DAAM1: variants seen among roughly 807,000 people sequenced by gnomAD.
DAAM1 encodes dishevelled associated activator of morphogenesis 1, also known as disheveled-associated activator of morphogenesis 1.
In DAAM1, 52 loss-of-function variants were observed where a neutral mutation model predicts 130.0. That is an observed-to-expected ratio of 0.40 (90% CI 0.32 to 0.50). The LOEUF (loss-of-function observed/expected upper bound fraction) is 0.50. Among genes scored for constraint, DAAM1 ranks in the 20% least tolerant of loss-of-function variants. The pLI is 0.61. For missense variants in DAAM1, 1,134 were observed against 1,303.8 expected (o/e 0.87, Z 2.01); for synonymous variants, 452 against 444.5 (o/e 1.02, Z -0.21).
In DAAM1 at chr14:59,322,876, T is replaced by G; in HGVS notation, c.441-16T>G. 1 of 1,592,862 alleles carries G rather than the reference T, an allele frequency of 6.3e-7. No individual in the cohort carries two copies. Among genetic ancestry groups the G allele is most frequent in the Non-Finnish European group, 8.6e-7 (1 of 1,166,536 alleles). The stretch of plus-strand genomic sequence containing the variant: ...CCCAAAGGCACTTAAGCATGGTGCA[T>G]TTCTCTTCATGACAGGTTTGTAACC... On this transcript the variant is annotated splice_polypyrimidine_tract_variant and intron_variant, in intron 5 of 24. Transcript: ENST00000360909.
chr14:59,318,798 T>C (rs191148428), intron 4 of DAAM1, among the ~76,000 whole-genome samples: 5 of 152,272 alleles, frequency 3.3e-5, no homozygotes, highest in African/African-American at 1.2e-4. Flanking sequence ...TAATTTTCTT[T>C]GACATTTCAT....
At chr14:59,235,224 C>A (rs1314673) in intron 1 of DAAM1, among the ~76,000 whole-genome samples, 10,129 of 152,242 alleles carry the variant, frequency 0.067, 444 homozygotes, top group Non-Finnish European at 0.1. Flanking sequence ...AATGGCACCA[C>A]CTCATCTTTG....
At chr14:59,235,178 C>CT (rs1382158081) in intron 1 of DAAM1, among the ~76,000 whole-genome samples, 1 of 152,058 alleles carries the variant, frequency 6.6e-6, no homozygotes, top group African/African-American at 2.4e-5. Context: ...AGGGAGGAGT[C>CT]TCTCCTTTTG....
At chr14:59,359,882 G>A (rs575328933) in intron 21 of DAAM1, among the ~76,000 whole-genome samples, 1 of 152,246 alleles carries the variant, frequency 6.6e-6, no homozygotes, top group African/African-American at 2.4e-5. Flanking sequence ...CTCTTTAATG[G>A]GAAGCATTCT....
intron 1 of DAAM1, among the ~76,000 whole-genome samples, chr14:59,197,760 T>C (rs1887947617): frequency 1.3e-5 from 2 of 152,212 alleles, no homozygotes; most frequent in South Asian, 4.2e-4. Flanking sequence ...CTTTCTATAC[T>C]CCCTGCATTG....
At chr14:59,296,973 A>C (rs975878766) in intron 3 of DAAM1, among the ~76,000 whole-genome samples, 8 of 152,140 alleles carry the variant, frequency 5.3e-5, no homozygotes, top group African/African-American at 1.9e-4. Context: ...TGAGAAAGAG[A>C]GAGTAAGATG....
In DAAM1 at chr14:59,326,489, C is replaced by T. The variant is rs189214118; in HGVS notation, c.1175-21C>T. The T allele has an allele frequency of 1.2e-4, 191 of 1,553,536 alleles. No individual in the cohort carries two copies. In the African/African-American group the frequency reaches 2.4e-3, roughly 19 times the overall value. ...TAGAAACAACTTGAAGATTTTTTTT[C>T]ACTATTCTTTTCTTTTTTAGACAAG... is the stretch of plus-strand genomic sequence containing the variant. On this transcript the variant is annotated intron_variant, in intron 10 of 24. Coordinates refer to ENST00000360909, the MANE Select transcript of DAAM1 (RefSeq NM_001270520.2).
chr14:59,316,626 C>T (rs1884806527), intron 4 of DAAM1, among the ~76,000 whole-genome samples: 1 of 152,208 alleles, frequency 6.6e-6, no homozygotes, highest in Admixed American at 6.5e-5. Flanking sequence ...AAAGGGTGAT[C>T]TCAGCATTTG....
intron 11 of DAAM1, 49 bp from the exon 12 acceptor site, chr14:59,326,884 T>A: frequency 6.2e-7 from 1 of 1,608,786 alleles, no homozygotes; most frequent in South Asian, 1.1e-5. Flanking sequence ...CAGTTAGCAG[T>A]GGACCTTTTA....
intron 23 of DAAM1, among the ~76,000 whole-genome samples, chr14:59,365,731 C>T (rs1594854587): frequency 1.3e-5 from 2 of 152,036 alleles, no homozygotes; most frequent in African/African-American, 2.4e-5. Flanking sequence ...TGTTTGGGGG[C>T]ACTGCATAAA....
chr14:59,302,281 T>A (rs1884203003), intron 3 of DAAM1, among the ~76,000 whole-genome samples: 1 of 152,220 alleles, frequency 6.6e-6, no homozygotes, highest in Admixed American at 6.5e-5. Context: ...TAGAAGAGAA[T>A]GTCCTTGTGT....
At chr14:59,279,633 C>T (rs1192506565) in intron 2 of DAAM1, among the ~76,000 whole-genome samples, 1 of 152,072 alleles carries the variant, frequency 6.6e-6, no homozygotes, top group African/African-American at 2.4e-5. Flanking sequence ...AAACTAAAAC[C>T]GTACAGCTTC....
chr14:59,363,676 C>A lies in DAAM1; in HGVS notation c.2720C>A (p.Pro907His). ...ETELEYQKSQ[P>H]PQPGDKFVSV... ...GAGCTGGAATATCAGAAGTCTCAGC[C>A]CCCACAGCCCGGAGATAAGTTTGTG... The change falls in exon 23 of 25, where the codon CCC (proline) becomes CAC (histidine). Residue 907 changes from proline (P) to histidine (H), a missense_variant. By Grantham distance (77) the Pro-to-His change is moderately conservative. Around this residue, in one of 3 missense-constraint regions of DAAM1, gnomAD observed 644 missense variants for 695.9 expected, o/e 0.93. Coordinates refer to ENST00000360909, the MANE Select transcript of DAAM1 (RefSeq NM_001270520.2). 6.2e-7 allele frequency: 1 copy of A among 1,614,064 alleles called. No individual in the cohort carries two copies. Among genetic ancestry groups the A allele is most frequent in the Non-Finnish European group, 8.5e-7 (1 of 1,179,978 alleles).
chr14:59,288,860 A>AGAGAGAGAGCGC (rs1018804753), intron 2 of DAAM1, among the ~76,000 whole-genome samples: 1 of 144,002 alleles, frequency 6.9e-6, no homozygotes, highest in African/African-American at 2.5e-5. Context: ...AGAGAGAGAG[A>AGAGAGAGAGCGC]GCGCGCGAAG....
At chr14:59,339,651 G>A (rs1022578015) in intron 15 of DAAM1, among the ~76,000 whole-genome samples, 2 of 152,172 alleles carry the variant, frequency 1.3e-5, no homozygotes, top group Non-Finnish European at 2.9e-5. Context: ...TCACAATGCA[G>A]ATGGTTCTGG....
intron 23 of DAAM1, 78 bp downstream of exon 23, chr14:59,363,860 A>C (rs1047307890): frequency 1.9e-6 from 3 of 1,577,356 alleles, no homozygotes; most frequent in Non-Finnish European, 2.6e-6. Context: ...ATTATTCTGT[A>C]CGGGAAATAG....
At chr14:59,306,462 T>C (rs61984464) in intron 3 of DAAM1, among the ~76,000 whole-genome samples, 9,494 of 152,290 alleles carry the variant, frequency 0.062, 393 homozygotes, top group Non-Finnish European at 0.094. Context: ...GCTCCTATCC[T>C]GCCCTTGAGA....
intron 3 of DAAM1, among the ~76,000 whole-genome samples, chr14:59,306,025 T>C (rs1884368282): frequency 6.6e-6 from 1 of 152,190 alleles, no homozygotes; most frequent in Non-Finnish European, 1.5e-5. Context: ...TAGAGATCCA[T>C]TGATAAAAAC....
intron 2 of DAAM1, chr14:59,264,915 C>T (rs957056646): frequency 1.3e-5 from 2 of 152,158 alleles, no homozygotes; most frequent in Non-Finnish European, 2.9e-5. Flanking sequence ...AGTGAGAACA[C>T]CTGGTGTTTG....
Sources: gnomAD v4.1 joint callset for allele counts (sites outside exome capture counted in the v4.1 genomes callset) on GRCh38, gnomAD v4.1.1 for gene constraint, gnomAD v4.1.1 regional missense constraint, MANE v1.5 for transcripts, NCBI Gene and HGNC (gene_info 2026-07-23, HGNC 2026-07-21) for gene names.